The following CDH4 variants were observed in gnomAD, a reference collection of about 807,000 sequenced individuals.
The protein encoded by CDH4 is cadherin-4.
CDH4 carries 33 observed loss-of-function variants against 86.0 expected under a neutral mutation model. That is an observed-to-expected ratio of 0.38 (90% CI 0.29 to 0.51). The LOEUF is 0.51. Ranked by LOEUF, CDH4 falls within the 20% of genes least tolerant of loss-of-function variation. The pLI is 0.86. For synonymous variants in CDH4, 555 were observed against 549.4 expected, an observed-to-expected ratio of 1.01 and a Z score of -0.14; for missense variants, 1,114 against 1,307.4, an observed-to-expected ratio of 0.85 and a Z score of 2.28.
chr20:61,411,349 C>G (rs1177693318), intron 2 of CDH4, among the ~76,000 whole-genome samples: 4 of 148,808 alleles, frequency 2.7e-5, no homozygotes, highest in Admixed American at 6.8e-5. Flanking sequence ...TAGTATGACT[C>G]TGCTTTCAAA....
At chr20:61,833,157 C>T (rs1981707304) in intron 4 of CDH4, among the ~76,000 whole-genome samples, 2 of 152,122 alleles carry the variant, frequency 1.3e-5, no homozygotes, top group East Asian at 1.9e-4. Flanking sequence ...CTGAAACCCA[C>T]ACCACTCCAG....
At chr20:61,874,180 TCTCGGGGTCTAGCCGCAGCTGCA>T (rs1015416600) in intron 7 of CDH4, among the ~76,000 whole-genome samples, 2 of 151,972 alleles carry the variant, frequency 1.3e-5, no homozygotes, top group Admixed American at 1.3e-4. Context: ...CCCGCTGGGG[TCTCGGGGTCTAGCCGCAGCTGCA>T]CTCGGGGTCT....
chr20:61,490,195 T>C (rs2085618318), intron 2 of CDH4, among the ~76,000 whole-genome samples: 1 of 152,082 alleles, frequency 6.6e-6, no homozygotes, highest in African/African-American at 2.4e-5. Flanking sequence ...TCACAATAGG[T>C]CAAAAACTGG....
chr20:61,521,391 T>C (rs976958175), intron 2 of CDH4, among the ~76,000 whole-genome samples: 2 of 152,136 alleles, frequency 1.3e-5, no homozygotes, highest in Admixed American at 6.5e-5. Flanking sequence ...AGCGAGTTTG[T>C]AGGGATCGTA....
chr20:61,862,478 A>G (rs951187898), intron 6 of CDH4, among the ~76,000 whole-genome samples: 1 of 152,194 alleles, frequency 6.6e-6, no homozygotes, highest in Non-Finnish European at 1.5e-5. Context: ...ACACAGGTGC[A>G]GAGGGAGGCA....
At chr20:61,822,678 A>G (rs1360080787) in intron 4 of CDH4, among the ~76,000 whole-genome samples, 1 of 152,216 alleles carries the variant, frequency 6.6e-6, no homozygotes, top group African/African-American at 2.4e-5. Flanking sequence ...GAGCATCTGC[A>G]TAAGTACTTC....
chr20:61,872,134 G>A (rs563864422), intron 6 of CDH4, among the ~76,000 whole-genome samples: 26 of 152,202 alleles, frequency 1.7e-4, no homozygotes, highest in Admixed American at 6.5e-4. Context: ...GCATGAGGCC[G>A]CCCCGCACCC....
In CDH4 at chr20:61,503,281, G is replaced by A. The variant is rs112341759; in HGVS notation, c.170-240282G>A. On this transcript the variant is annotated intron_variant, in intron 2 of 15. Transcript: ENST00000614565. ...GTGTCCGTTCATAGTTGCAGGTGGA[G>A]CAACAGGTGAGTCAGGCAAGCATCC... Among the ~76,000 whole-genome samples, 1,093 of 152,330 alleles carry A rather than the reference G, an allele frequency of 7.2e-3. 13 individuals are homozygous for A. The highest frequency in any genetic ancestry group is 0.025 in the African/African-American group (1,048 of 41,576).
At chr20:61,880,872 G>C (rs1984244289) in intron 7 of CDH4, among the ~76,000 whole-genome samples, 1 of 152,358 alleles carries the variant, frequency 6.6e-6, no homozygotes, top group South Asian at 2.1e-4. Flanking sequence ...CACCCAGCAA[G>C]GTGAGAAGAG....
At chr20:61,486,058 G>T (rs1429051044) in intron 2 of CDH4, among the ~76,000 whole-genome samples, 1 of 152,204 alleles carries the variant, frequency 6.6e-6, no homozygotes. Flanking sequence ...GGGGAGCATT[G>T]GCCCGCATAG....
chr20:61,743,464 C>A, intron 2 of CDH4, 99 bp from the exon 3 acceptor site: 1 of 849,382 alleles, frequency 1.2e-6, no homozygotes, highest in African/African-American at 1.7e-5. Context: ...GCCCCTCATG[C>A]CCACTGGGGG....
At chr20:61,852,998 G>A in intron 6 of CDH4, 100 bp downstream of exon 6, 1 of 1,292,350 alleles carries the variant, frequency 7.7e-7, no homozygotes, top group African/African-American at 1.5e-5. Context: ...CCGCTACCAG[G>A]ATGGTGCCAC....
At chr20:61,918,710 C>T (rs2054933088) in intron 9 of CDH4, among the ~76,000 whole-genome samples, 1 of 152,060 alleles carries the variant, frequency 6.6e-6, no homozygotes, top group Admixed American at 6.5e-5. Context: ...CGTGGTATTG[C>T]AGTGACTGCG....
intron 2 of CDH4, among the ~76,000 whole-genome samples, chr20:61,367,007 ACGAGACAGCGGGGCCCAT>A (rs1169777296): frequency 1.1e-4 from 16 of 152,314 alleles, no homozygotes; most frequent in Non-Finnish European, 1.3e-4. Flanking sequence ...ATTGCAGGCA[ACGAGACAGCGGGGCCCAT>A]CGACCCCACC....
At chr20:61,495,816 T>C (rs1276871947) in intron 2 of CDH4, among the ~76,000 whole-genome samples, 3 of 146,290 alleles carry the variant, frequency 2.1e-5, no homozygotes, top group African/African-American at 7.6e-5. Context: ...GACAGGAGAA[T>C]CATTTGAACT....
chr20:61,677,818 G>GGCTA (rs113807327), intron 2 of CDH4, among the ~76,000 whole-genome samples: 1 of 151,438 alleles, frequency 6.6e-6, no homozygotes, highest in African/African-American at 2.4e-5. Flanking sequence ...GAAGATAGAT[G>GGCTA]GATAGTGGAT....
chr20:61,292,517 G>C (rs898187527), intron 2 of CDH4, among the ~76,000 whole-genome samples: 1 of 152,202 alleles, frequency 6.6e-6, no homozygotes, highest in Admixed American at 6.5e-5. Context: ...GACGTTTTTG[G>C]TTGTCACAGC....
intron 2 of CDH4, among the ~76,000 whole-genome samples, chr20:61,566,379 C>G (rs1040573935): frequency 6.6e-6 from 1 of 152,200 alleles, no homozygotes; most frequent in African/African-American, 2.4e-5. Flanking sequence ...AGCTTCTCTA[C>G]CAAGGATGAA....
intron 2 of CDH4, among the ~76,000 whole-genome samples, chr20:61,412,085 C>A (rs2085122726): frequency 6.6e-6 from 1 of 152,236 alleles, no homozygotes; most frequent in Non-Finnish European, 1.5e-5. Context: ...ATGACCAACC[C>A]TCCTCTGCAG....
Sources: allele counts gnomAD v4.1 joint callset (sites outside exome capture counted in the v4.1 genomes callset), GRCh38; gene constraint gnomAD v4.1.1; transcripts MANE v1.5; gene names NCBI Gene and HGNC (gene_info 2026-07-23, HGNC 2026-07-21).